Variants in NELL1 observed in about 807,000 individuals in gnomAD.
NELL1 encodes neural EGFL like 1, also known as protein kinase C-binding protein NELL1.
Under a neutral mutation model 107.4 loss-of-function variants are expected in NELL1, and 76 were observed. That is an observed-to-expected ratio of 0.71 (90% CI 0.59 to 0.86). The LOEUF (loss-of-function observed/expected upper bound fraction) is 0.86, where lower values mean the gene tolerates loss of function less well. Among genes scored for constraint, NELL1 ranks in the 40% least tolerant of loss-of-function variants. The pLI is 0.00. For synonymous variants in NELL1, 353 were observed against 341.2 expected (o/e 1.03, Z -0.38); for missense variants, 1,024 against 1,005.5 (o/e 1.02, Z -0.25).
intron 2 of NELL1, among the ~76,000 whole-genome samples, chr11:20,762,143 T>G (rs1295647762): frequency 6.6e-6 from 1 of 152,196 alleles, no homozygotes; most frequent in Non-Finnish European, 1.5e-5. Context: ...TGGAGCAGAG[T>G]GCCCTTTGGT....
chr11:21,113,791 C>G, intron 13 of NELL1, 77 bp downstream of exon 13: 2 of 1,452,058 alleles, frequency 1.4e-6, no homozygotes, highest in South Asian at 2.7e-5. Flanking sequence ...TGTTTAATTC[C>G]TAGTGCACAA....
At chr11:20,830,428 C>T (rs1376583072) in intron 3 of NELL1, among the ~76,000 whole-genome samples, 5 of 150,610 alleles carry the variant, frequency 3.3e-5, no homozygotes, top group Admixed American at 1.3e-4. Flanking sequence ...CCTCTGCCTC[C>T]TGGGTTCAAG....
intron 12 of NELL1, among the ~76,000 whole-genome samples, chr11:21,087,104 G>C (rs946118777): frequency 3.3e-5 from 5 of 152,150 alleles, no homozygotes; most frequent in African/African-American, 1.2e-4. Context: ...CGCCCAAAGT[G>C]CTGGGATTAC....
At chr11:21,527,859 G>A (rs775837250) in intron 15 of NELL1, among the ~76,000 whole-genome samples, 1 of 152,142 alleles carries the variant, frequency 6.6e-6, no homozygotes, top group African/African-American at 2.4e-5. Context: ...GTCCTTCCAC[G>A]TTCCTCTGCC....
chr11:21,377,287 C>T (rs117538335), intron 15 of NELL1, among the ~76,000 whole-genome samples: 2,117 of 152,202 alleles, frequency 0.014, 25 homozygotes, highest in Admixed American at 0.032. Flanking sequence ...GCATTTTCTG[C>T]ATCTATGGAG....
chr11:21,171,800 G>T (rs1856612437), intron 13 of NELL1, among the ~76,000 whole-genome samples: 1 of 151,708 alleles, frequency 6.6e-6, no homozygotes, highest in Non-Finnish European at 1.5e-5. Flanking sequence ...GTGAATTTGG[G>T]TTTCTAATGC....
intron 15 of NELL1, among the ~76,000 whole-genome samples, chr11:21,396,448 A>T (rs80229152): frequency 6.6e-6 from 1 of 151,626 alleles, no homozygotes; most frequent in African/African-American, 2.4e-5. Context: ...GCAAGACAGA[A>T]GATTGATAAA....
intron 3 of NELL1, among the ~76,000 whole-genome samples, chr11:20,815,253 C>T (rs34408915): frequency 0.024 from 3,581 of 151,966 alleles, 94 homozygotes; most frequent in Non-Finnish European, 0.03. Context: ...TTAGTAGAGA[C>T]AGGGTTTTGT....
intron 14 of NELL1, among the ~76,000 whole-genome samples, chr11:21,357,248 T>C (rs1380436880): frequency 1.3e-5 from 2 of 152,196 alleles, no homozygotes; most frequent in African/African-American, 4.8e-5. Context: ...TCTATAGTGG[T>C]TGTAATAGTT....
chr11:21,129,687 T>C (rs1214372108), intron 13 of NELL1, among the ~76,000 whole-genome samples: 1 of 152,222 alleles, frequency 6.6e-6, no homozygotes, highest in Non-Finnish European at 1.5e-5. Flanking sequence ...ATTCCACTTA[T>C]ATGAAGTACC....
chr11:20,669,752 G>A lies in NELL1; in HGVS notation c.29G>A (p.Trp10Ter). 2 of 1,613,796 alleles carry A rather than the reference G, an allele frequency of 1.2e-6. No individual in the cohort carries two copies. Among genetic ancestry groups the A allele is most frequent in the Non-Finnish European group, 8.5e-7 (1 of 1,179,826 alleles). ...CCGATGGATTTGATTTTAGTTGTGTGGTTCTGTGTGTGCACTGCCAGGACA... is the reference window on the plus strand; with the variant it reads ...CCGATGGATTTGATTTTAGTTGTGTAGTTCTGTGTGTGCACTGCCAGGACA... MPMDLILVV[W>*]FCVCTARTVV... Residue 10 changes from tryptophan to a stop codon, truncating the protein, a stop_gained, in exon 1 of 20, where the codon TGG (tryptophan) becomes TAG (stop). Coordinates refer to ENST00000357134, the MANE Select transcript of NELL1 (RefSeq NM_006157.5). LOFTEE classifies it high-confidence loss of function. The surrounding 1 kb of genome is among the most constrained non-coding windows in gnomAD (Gnocchi z 4.4).
chr11:21,318,004 C>T (rs745832537), intron 14 of NELL1, among the ~76,000 whole-genome samples: 7 of 152,060 alleles, frequency 4.6e-5, no homozygotes, highest in Non-Finnish European at 8.8e-5. Flanking sequence ...CATGGTGCCT[C>T]TATGTGCTTT....
At chr11:21,409,863 A>G (rs1564880951) in intron 15 of NELL1, among the ~76,000 whole-genome samples, 1 of 151,970 alleles carries the variant, frequency 6.6e-6, no homozygotes, top group African/African-American at 2.4e-5. Context: ...CTCACACACA[A>G]ACATATGCAT....
intron 12 of NELL1, among the ~76,000 whole-genome samples, chr11:21,064,855 T>A (rs1853830495): frequency 6.6e-6 from 1 of 152,198 alleles, no homozygotes; most frequent in African/African-American, 2.4e-5. Context: ...GCTTGTGAAA[T>A]TATTTGACCT....
At chr11:20,898,951 C>G (rs191502485) in intron 5 of NELL1, among the ~76,000 whole-genome samples, 20 of 152,030 alleles carry the variant, frequency 1.3e-4, no homozygotes, top group African/African-American at 4.3e-4. Flanking sequence ...ATTTGTGTAA[C>G]TATCTGTATA....
intron 13 of NELL1, among the ~76,000 whole-genome samples, chr11:21,156,428 A>C (rs532386132): frequency 6.6e-6 from 1 of 152,220 alleles, no homozygotes; most frequent in African/African-American, 2.4e-5. Context: ...AGTTTAAGTG[A>C]TGGACAGTGG....
At chr11:21,176,944 T>A (rs930043497) in intron 13 of NELL1, among the ~76,000 whole-genome samples, 1 of 151,582 alleles carries the variant, frequency 6.6e-6, no homozygotes, top group African/African-American at 2.4e-5. Context: ...TCAAGTCGAG[T>A]TCTTCAGTTT....
intron 14 of NELL1, among the ~76,000 whole-genome samples, chr11:21,332,997 C>T (rs769958175): frequency 1.3e-4 from 20 of 151,938 alleles, no homozygotes; most frequent in Non-Finnish European, 2.5e-4. Context: ...ATAAATAAAT[C>T]AATAAGTGCA....
chr11:21,043,017 C>T (rs556258141), intron 12 of NELL1, among the ~76,000 whole-genome samples: 12 of 152,150 alleles, frequency 7.9e-5, no homozygotes, highest in African/African-American at 2.7e-4. Context: ...TTGCAATAAG[C>T]ACACTGAAAA....
Sources: gnomAD v4.1 joint callset for allele counts (sites outside exome capture counted in the v4.1 genomes callset) on GRCh38, gnomAD v4.1.1 for gene constraint, Gnocchi (gnomAD v3.1) non-coding constraint, MANE v1.5 for transcripts, NCBI Gene and HGNC (gene_info 2026-07-23, HGNC 2026-07-21) for gene names.